MICAL2: variants seen among roughly 807,000 people sequenced by gnomAD.
MICAL2 encodes the protein [F-actin]-monooxygenase MICAL2.
MICAL2 carries 77 observed loss-of-function variants against 127.3 expected under a neutral mutation model. The observed-to-expected ratio is 0.60, with a 90% CI of 0.50 to 0.73. The LOEUF is 0.73. Ranked by LOEUF, MICAL2 falls within the 30% of genes least tolerant of loss-of-function variation. MICAL2 has a pLI of 0.00. For synonymous variants in MICAL2, 570 were observed against 551.1 expected, an observed-to-expected ratio of 1.03 and a Z score of -0.48; for missense variants, 1,351 against 1,434.4, an observed-to-expected ratio of 0.94 and a Z score of 0.94.
At chr11:12,292,096 A>C, downstream of MICAL2, 1 of 1,571,926 alleles carries the variant, frequency 6.4e-7, no homozygotes, top group Non-Finnish European at 8.6e-7. Context: ...TTTTCTTGAT[A>C]AAATAATAAC....
rs181088655 is a variant in MICAL2, at chr11:12,231,743, A to G, written c.1996-4434A>G. Among the ~76,000 whole-genome samples the G allele has an allele frequency of 2.4e-3, 358 of 152,258 alleles. 8 individuals are homozygous for G. Among genetic ancestry groups the G allele is most frequent in the East Asian group, 1.9e-4 (1 of 5,176 alleles). ...CCCCACTAGGTTTCCAGGACTTCTC[A>G]TGGCAGAGGTTTGAAGAAGGCTTAG... On this transcript the variant is annotated intron_variant, in intron 15 of 27. Transcript: ENST00000683283.
chr11:12,355,657 C>T (rs543479983), intron 34 of MICAL2, among the ~76,000 whole-genome samples: 1 of 152,282 alleles, frequency 6.6e-6, no homozygotes, highest in South Asian at 2.1e-4. Context: ...ATTATTATCA[C>T]TGATTTGTAT....
downstream of MICAL2, chr11:12,293,431 AT>A (rs1481889517): frequency 1.7e-6 from 2 of 1,188,214 alleles, no homozygotes; most frequent in African/African-American, 3.1e-5. Context: ...AGGCAAAATT[AT>A]TTTTTAATTT....
chr11:12,337,408 C>T (rs1414342892), intron 32 of MICAL2, among the ~76,000 whole-genome samples: 1 of 152,156 alleles, frequency 6.6e-6, no homozygotes, highest in African/African-American at 2.4e-5. Context: ...AAACCAGCTC[C>T]TGGATTCATT....
In MICAL2 at chr11:12,217,591, G is replaced by A. The variant is rs148191305; in HGVS notation, c.948+1272G>A. On this transcript the variant is annotated intron_variant, in intron 8 of 27. Transcript: ENST00000683283. ...TGGGGGGTGCAGGGGTGTAGGGGTA[G>A]CGGGCAGCTTTGCAGAGGAGAGGTT... 5.4e-3 allele frequency among the ~76,000 whole-genome samples: 822 copies of A among 152,288 alleles called. 9 individuals carry two copies. Among genetic ancestry groups the A allele is most frequent in the African/African-American group, 0.019 (793 of 41,570 alleles).
chr11:12,338,377 C>T (rs538563437), intron 32 of MICAL2, among the ~76,000 whole-genome samples: 3 of 152,280 alleles, frequency 2.0e-5, no homozygotes, highest in African/African-American at 7.2e-5. Context: ...TTCCTGAATA[C>T]AGCACACTGA....
chr11:12,297,997 C>T (rs1470214772), intron 29 of MICAL2, among the ~76,000 whole-genome samples: 1 of 150,962 alleles, frequency 6.6e-6, no homozygotes, highest in Non-Finnish European at 1.5e-5. Context: ...CTAAAATTTC[C>T]TGGCTCTTCT....
At chr11:12,155,243 T>C (rs1199088302) in intron 2 of MICAL2, among the ~76,000 whole-genome samples, 5 of 152,078 alleles carry the variant, frequency 3.3e-5, no homozygotes, top group Non-Finnish European at 7.3e-5. Context: ...TGGCTAGAAA[T>C]CCTTATGGAA....
At chr11:12,293,469 A>C, downstream of MICAL2, 1 of 1,447,662 alleles carries the variant, frequency 6.9e-7, no homozygotes, top group Non-Finnish European at 9.3e-7. Flanking sequence ...AAGAAAAAAC[A>C]GGGAGGGGGT....
chr11:12,239,850 C>T (rs560643503), intron 17 of MICAL2, among the ~76,000 whole-genome samples: 128 of 152,358 alleles, frequency 8.4e-4, no homozygotes, highest in African/African-American at 2.9e-3. Context: ...ATGAGTCTGG[C>T]TGTGTTCCAA....
At chr11:12,260,413 G>T (rs1359638840) in intron 26 of MICAL2, 2 of 1,236,034 alleles carry the variant, frequency 1.6e-6, no homozygotes, top group Non-Finnish European at 1.0e-6. Context: ...CATACTTCTG[G>T]GTTTACATTT....
chr11:12,294,139 A>G, downstream of MICAL2: 1 of 1,613,920 alleles, frequency 6.2e-7, no homozygotes. Context: ...CTAGGGCAGC[A>G]GGAGAGCCCC....
chr11:12,113,710 G>C (rs923466570), intron 1 of MICAL2, among the ~76,000 whole-genome samples: 1 of 152,074 alleles, frequency 6.6e-6, no homozygotes, highest in South Asian at 2.1e-4. Flanking sequence ...ATCTCTTAAG[G>C]TACCTCATTT....
chr11:12,264,509 C>T (rs188671551), downstream of MICAL2, among the ~76,000 whole-genome samples: 166 of 152,314 alleles, frequency 1.1e-3, 2 homozygotes, highest in Non-Finnish European at 2.1e-3. Flanking sequence ...GTCATCTGGT[C>T]CTCAGCCTCC....
At chr11:12,133,270 T>C (rs985248170) in intron 1 of MICAL2, among the ~76,000 whole-genome samples, 3 of 152,000 alleles carry the variant, frequency 2.0e-5, no homozygotes, top group Admixed American at 6.6e-5. Flanking sequence ...TTAGTAGAGA[T>C]GGGGTTTCAC....
At chr11:12,162,825 G>A (rs1304885329) in intron 3 of MICAL2, among the ~76,000 whole-genome samples, 1 of 152,282 alleles carries the variant, frequency 6.6e-6, no homozygotes, top group Non-Finnish European at 1.5e-5. Context: ...TGGGGAAATT[G>A]AGAAGTCAGT....
chr11:12,286,663 G>A (rs1304664039), intron 2 of MICAL2, among the ~76,000 whole-genome samples: 3 of 152,114 alleles, frequency 2.0e-5, no homozygotes, highest in Non-Finnish European at 2.9e-5. Flanking sequence ...GAGCCCAGGA[G>A]TTTGAGACCA....
intron 32 of MICAL2, among the ~76,000 whole-genome samples, chr11:12,338,794 C>A (rs1001143193): frequency 1.3e-5 from 2 of 152,228 alleles, no homozygotes; most frequent in African/African-American, 4.8e-5. Context: ...CTACTCTCTT[C>A]TGGCTTGTAG....
chr11:12,150,426 G>GA lies in MICAL2; in HGVS notation c.-77-11643dup, dbSNP rs201730703. Among the ~76,000 whole-genome samples the GA allele has an allele frequency of 5.9e-4, 86 of 145,164 alleles. 1 individual carries two copies. The Middle Eastern group carries it at 0.014, about 24-fold the overall frequency. On this transcript the variant is annotated intron_variant, in intron 2 of 27. Coordinates refer to ENST00000683283, the MANE Select transcript of MICAL2 (RefSeq NM_001282663.2). ...TGGGCAACAGAGTGAGATCCTGTCTGAAAAAAAAAACAAACAAAAACAAAA... is the reference window on the plus strand; with the variant it reads ...TGGGCAACAGAGTGAGATCCTGTCTGAAAAAAAAAAACAAACAAAAACAAAA...
Sources: gnomAD v4.1 joint callset for allele counts (sites outside exome capture counted in the v4.1 genomes callset) on GRCh38, gnomAD v4.1.1 for gene constraint, MANE v1.5 for transcripts, NCBI Gene and HGNC (gene_info 2026-07-23, HGNC 2026-07-21) for gene names.